The following ERC1 variants were observed in gnomAD, a reference collection of about 807,000 sequenced individuals.
ERC1 encodes the protein RAB6 interacting protein 2.
A neutral mutation model predicts 132.0 loss-of-function variants in ERC1; 56 were observed. The observed-to-expected ratio is 0.42, with a 90% CI of 0.34 to 0.53. ERC1 has a LOEUF of 0.53. Among genes scored for constraint, ERC1 ranks in the 20% least tolerant of loss-of-function variants. The pLI, the probability that ERC1 is intolerant of heterozygous loss-of-function variation, is 0.03. For missense variants in ERC1, 1,202 were observed against 1,349.9 expected (o/e 0.89, Z 1.72); for synonymous variants, 478 against 476.1 (o/e 1.00, Z -0.05).
At chr12:1,094,848 C>T (rs541488045) in intron 3 of ERC1, among the ~76,000 whole-genome samples, 55 of 151,980 alleles carry the variant, frequency 3.6e-4, no homozygotes, top group East Asian at 1.9e-4. Context: ...AGTTAAGATA[C>T]GAAAAAGTGG....
chr12:1,238,582 C>T (rs1316600348), intron 13 of ERC1, among the ~76,000 whole-genome samples: 2 of 152,066 alleles, frequency 1.3e-5, no homozygotes, highest in African/African-American at 4.8e-5. Context: ...TCTAGGATTT[C>T]AGTTTAACCT....
intron 15 of ERC1, among the ~76,000 whole-genome samples, chr12:1,333,460 G>A (rs1360439726): frequency 6.6e-6 from 1 of 151,220 alleles, no homozygotes; most frequent in Non-Finnish European, 1.5e-5. Flanking sequence ...AGCCTCCCGA[G>A]TAGCTCAGAT....
chr12:1,444,635 T>C lies in ERC1; in HGVS notation c.3098T>C (p.Leu1033Pro). The C allele has an allele frequency of 1.2e-6, 2 of 1,614,104 alleles. No individual in the cohort carries two copies. The highest frequency in any genetic ancestry group is 1.1e-5 in the South Asian group (1 of 91,082). ...LKLYIGHLTT[L>P]CHDRDPLILR... is the part of the protein sequence containing the mutation. ...TTGTACATTGGACACCTGACAACCC[T>C]CTGCCATGACCGAGACCCCCTGATC... is the stretch of plus-strand genomic sequence containing the variant. Residue 1033 changes from leucine (L) to proline (P), a missense_variant, in exon 18 of 19, where the codon CTC (leucine) becomes CCC (proline). By Grantham distance (98) the Leu-to-Pro change is moderately conservative. Transcript: ENST00000360905.
chr12:1,440,258 G>T (rs1241498242), intron 17 of ERC1, among the ~76,000 whole-genome samples: 2 of 137,454 alleles, frequency 1.5e-5, no homozygotes, highest in Non-Finnish European at 3.0e-5. Flanking sequence ...AGGCTGGAGT[G>T]CAGTGGTGCC....
intron 12 of ERC1, among the ~76,000 whole-genome samples, chr12:1,211,218 G>A (rs1040417694): frequency 1.1e-4 from 17 of 152,028 alleles, no homozygotes; most frequent in African/African-American, 3.6e-4. Flanking sequence ...GCACAATCTC[G>A]GCTTACCGCA....
chr12:1,492,740 A>G lies in ERC1; in HGVS notation c.*2510A>G. The stretch of plus-strand genomic sequence containing the variant: ...GGCACTGGAGGCTGGCTAGGAGTTC[A>G]GTAATAAACGTGGCCTTCGTGCTGT... On this transcript the variant is annotated 3_prime_UTR_variant, in exon 19 of 19. Coordinates refer to ENST00000360905, the MANE Select transcript of ERC1 (RefSeq NM_178040.4). 4.3e-6 allele frequency: 1 copy of G among 232,584 alleles called. No homozygotes were observed. The highest frequency in any genetic ancestry group is 8.5e-6 in the Non-Finnish European group (1 of 117,612). 14.4% of individuals were successfully genotyped at this position (232,584 alleles called of 1,614,324 possible). A position where few individuals can be genotyped will look rare whatever the true frequency, so the allele number is the denominator to read the frequency against.
chr12:1,057,984 T>A (rs1428725615), intron 2 of ERC1, among the ~76,000 whole-genome samples: 1 of 152,202 alleles, frequency 6.6e-6, no homozygotes, highest in Non-Finnish European at 1.5e-5. Context: ...CCTTTGCCCA[T>A]TTTAAAATCA....
In ERC1 at chr12:1,296,062, G is replaced by T. The variant is rs148184934; in HGVS notation, c.2780+6050G>T. 4.8e-3 allele frequency among the ~76,000 whole-genome samples: 682 copies of T among 142,504 alleles called. 2 individuals carry two copies. Among genetic ancestry groups the T allele is most frequent in the African/African-American group, 0.015 (567 of 38,434 alleles). 93.5% of individuals were successfully genotyped at this position (142,504 alleles called of 152,430 possible). On this transcript the variant is annotated intron_variant, in intron 15 of 18. Coordinates refer to ENST00000360905, the MANE Select transcript of ERC1 (RefSeq NM_178040.4). ...CACCCTTATACATTAAAGAATTAAA[G>T]AAAAATGTCATGTTGATGATGGAAT...
intron 15 of ERC1, among the ~76,000 whole-genome samples, chr12:1,335,037 TGGTG>T (rs1446855461): frequency 2.0e-5 from 3 of 152,308 alleles, no homozygotes; most frequent in Non-Finnish European, 1.5e-5. Context: ...GCTTGACTGT[TGGTG>T]TAGAGGAATG....
intron 14 of ERC1, among the ~76,000 whole-genome samples, chr12:1,284,509 C>T (rs770046292): frequency 3.9e-5 from 6 of 152,106 alleles, no homozygotes; most frequent in Non-Finnish European, 8.8e-5. Context: ...TTTAAGGAAA[C>T]ACCATACTAT....
intron 12 of ERC1, among the ~76,000 whole-genome samples, chr12:1,221,154 G>A (rs1477175248): frequency 6.6e-6 from 1 of 151,894 alleles, no homozygotes; most frequent in Non-Finnish European, 1.5e-5. Context: ...ATTTTTGTCC[G>A]TTTTGTTCAC....
intron 16 of ERC1, among the ~76,000 whole-genome samples, chr12:1,374,682 C>G (rs959228519): frequency 1.3e-5 from 2 of 152,310 alleles, no homozygotes; most frequent in African/African-American, 2.4e-5. Context: ...TGGCCTTTCT[C>G]TCAGCATTGT....
intron 2 of ERC1, among the ~76,000 whole-genome samples, chr12:1,039,111 C>T (rs1337132422): frequency 3.3e-5 from 5 of 151,858 alleles, no homozygotes; most frequent in East Asian, 3.9e-4. Flanking sequence ...CCGAGGCTGG[C>T]GGATCACGAG....
At chr12:1,244,794 CA>C in intron 13 of ERC1, 2 of 244,672 alleles carry the variant, frequency 8.2e-6, no homozygotes, top group Non-Finnish European at 1.7e-5. Context: ...GCTGGGATTA[CA>C]GGTGTGAACC....
chr12:1,168,639 C>T lies in ERC1; in HGVS notation c.1738-11901C>T, dbSNP rs1197682498. On this transcript the variant is annotated intron_variant, in intron 8 of 18. Coordinates refer to ENST00000360905, the MANE Select transcript of ERC1 (RefSeq NM_178040.4). ...AGCTGGGATTACAGGTGCCCACCAC[C>T]ACACCCGGCTAATTTTTTTGTATTT... Among the ~76,000 whole-genome samples the T allele has an allele frequency of 3.9e-5, 6 of 151,946 alleles. No homozygotes were observed. In the East Asian group the frequency reaches 9.7e-4, roughly 24 times the overall value.
intron 2 of ERC1, among the ~76,000 whole-genome samples, chr12:1,040,271 T>C (rs1221297952): frequency 6.6e-6 from 1 of 152,150 alleles, no homozygotes; most frequent in Non-Finnish European, 1.5e-5. Flanking sequence ...GTTTTTGTGC[T>C]ACCATACACA....
chr12:1,296,946 A>T (rs933944303), intron 15 of ERC1, among the ~76,000 whole-genome samples: 1 of 152,204 alleles, frequency 6.6e-6, no homozygotes, highest in African/African-American at 2.4e-5. Context: ...ACATATTTCT[A>T]TAATTTAATT....
chr12:1,259,493 C>T (rs1380987301), intron 13 of ERC1, among the ~76,000 whole-genome samples: 2 of 147,380 alleles, frequency 1.4e-5, no homozygotes, highest in African/African-American at 2.5e-5. Context: ...TTTGTTTTTC[C>T]TGTCTTGGGT....
intron 16 of ERC1, among the ~76,000 whole-genome samples, chr12:1,382,077 TG>T (rs1311572207): frequency 1.3e-5 from 2 of 152,240 alleles, no homozygotes; most frequent in African/African-American, 4.8e-5. Context: ...TTTTCCTGTT[TG>T]TATGTATAGC....
Sources: gnomAD v4.1 joint callset for allele counts (sites outside exome capture counted in the v4.1 genomes callset) on GRCh38, gnomAD v4.1.1 for gene constraint, MANE v1.5 for transcripts, NCBI Gene and HGNC (gene_info 2026-07-23, HGNC 2026-07-21) for gene names.